ZNF407: variants seen among roughly 807,000 people sequenced by gnomAD.
The protein encoded by ZNF407 is zinc finger protein 407.
A neutral mutation model predicts 131.2 loss-of-function variants in ZNF407; 17 were observed. The observed-to-expected ratio is 0.13, with a 90% CI of 0.09 to 0.19. The LOEUF is 0.19. ZNF407 is among the 10% of genes least tolerant of loss of function. ZNF407 has a pLI of 1.00. For missense variants in ZNF407, 2,681 were observed against 2,830.6 expected (o/e 0.95, Z 1.20); for synonymous variants, 1,156 against 1,062.0 (o/e 1.09, Z -1.72).
intron 8 of ZNF407, among the ~76,000 whole-genome samples, chr18:75,058,448 T>C (rs866342721): frequency 1.2e-4 from 18 of 152,228 alleles, no homozygotes; most frequent in South Asian, 4.1e-4. Flanking sequence ...CTGTGCCTTC[T>C]ACGCAAAGCT....
At chr18:74,952,691 T>TA (rs1972229372) in intron 8 of ZNF407, among the ~76,000 whole-genome samples, 1 of 152,214 alleles carries the variant, frequency 6.6e-6, no homozygotes, top group East Asian at 1.9e-4. Flanking sequence ...GAGGCATAAT[T>TA]AACATAAAAT....
intron 2 of ZNF407, among the ~76,000 whole-genome samples, chr18:74,639,334 CGAGTCCT>C (rs1381186292): frequency 6.6e-6 from 1 of 152,154 alleles, no homozygotes; most frequent in African/African-American, 2.4e-5. Context: ...TTCTTTGTTT[CGAGTCCT>C]GATATTATTG....
At chr18:74,846,972 C>T (rs138078922) in intron 4 of ZNF407, among the ~76,000 whole-genome samples, 20 of 149,386 alleles carry the variant, frequency 1.3e-4, no homozygotes, top group African/African-American at 3.2e-4. Context: ...CCGGCCTGGG[C>T]GACAGAGCAA....
chr18:74,616,873 C>G (rs1768444189), intron 1 of ZNF407, among the ~76,000 whole-genome samples: 1 of 149,204 alleles, frequency 6.7e-6, no homozygotes, highest in African/African-American at 2.5e-5. Flanking sequence ...CACACGCATC[C>G]ATATCCACAC....
chr18:74,831,134 G>A (rs1314498201), intron 4 of ZNF407, among the ~76,000 whole-genome samples: 1 of 152,008 alleles, frequency 6.6e-6, no homozygotes, highest in African/African-American at 2.4e-5. Context: ...GTATTTCATT[G>A]TGTATGTATA....
At chr18:74,766,063 CTG>C (rs1278374117) in intron 3 of ZNF407, among the ~76,000 whole-genome samples, 5 of 136,516 alleles carry the variant, frequency 3.7e-5, no homozygotes, top group African/African-American at 1.4e-4. Context: ...GTGTCTGTGT[CTG>C]TGTGTCTGTG....
At chr18:74,926,371 G>A (rs1971913608) in intron 8 of ZNF407, among the ~76,000 whole-genome samples, 1 of 152,280 alleles carries the variant, frequency 6.6e-6, no homozygotes, top group East Asian at 1.9e-4. Flanking sequence ...TGGTATCCAG[G>A]AAAATTGTAT....
chr18:75,059,675 C>T (rs999045366), intron 8 of ZNF407, among the ~76,000 whole-genome samples: 3 of 152,044 alleles, frequency 2.0e-5, no homozygotes, highest in Middle Eastern at 3.2e-3. Context: ...GCAAACTGAC[C>T]GGGGATCAGC....
At position 74,951,460 on chromosome 18, in the gene ZNF407, C is replaced by T. The variant is rs72981567; in HGVS notation, c.5428+30768C>T. ...AATTGGCAAACTGCAGAACACTGAGCGTGAGTTCTCAGTACGTTCATGTTG... is the reference window on the plus strand; with the variant it reads ...AATTGGCAAACTGCAGAACACTGAGTGTGAGTTCTCAGTACGTTCATGTTG... On this transcript the variant is annotated intron_variant, in intron 8 of 8. Transcript: ENST00000299687. Among the ~76,000 whole-genome samples the T allele has an allele frequency of 3.2e-3, 491 of 152,298 alleles. 2 individuals are homozygous for T. The highest frequency in any genetic ancestry group is 5.4e-3 in the Non-Finnish European group (370 of 68,030).
chr18:74,881,763 A>G (rs1001399805), intron 6 of ZNF407, among the ~76,000 whole-genome samples: 3 of 152,222 alleles, frequency 2.0e-5, no homozygotes, highest in African/African-American at 7.2e-5. Flanking sequence ...TTGGTGATTC[A>G]TTGAAATAAA....
At chr18:74,686,100 C>A (rs1232455269) in intron 3 of ZNF407, among the ~76,000 whole-genome samples, 1 of 152,214 alleles carries the variant, frequency 6.6e-6, no homozygotes, top group Non-Finnish European at 1.5e-5. Context: ...AGTAAGCCAG[C>A]CTTCCAGCCA....
intron 5 of ZNF407, among the ~76,000 whole-genome samples, chr18:74,880,520 A>G (rs1218207837): frequency 6.6e-6 from 1 of 152,222 alleles, no homozygotes; most frequent in African/African-American, 2.4e-5. Flanking sequence ...ATGTTCAAGG[A>G]AACCATTTAA....
intron 3 of ZNF407, among the ~76,000 whole-genome samples, chr18:74,759,197 A>T (rs1355053998): frequency 6.6e-6 from 1 of 151,572 alleles, no homozygotes; most frequent in Non-Finnish European, 1.5e-5. Context: ...TTGTGTGGAG[A>T]TGTTAGTTTT....
chr18:74,622,816 CTGAA>C (rs757679186), intron 1 of ZNF407, among the ~76,000 whole-genome samples: 3 of 130,104 alleles, frequency 2.3e-5, no homozygotes, highest in African/African-American at 5.7e-5. Context: ...GTGAATATGT[CTGAA>C]TGTGAGTACG....
rs763598298 is a variant in ZNF407 at position 74,936,055 on chromosome 18, C to CT, written c.5428+15365dup. Among the ~76,000 whole-genome samples, 62 of 152,274 alleles carry CT rather than the reference C, an allele frequency of 4.1e-4. 1 individual carries two copies. The highest frequency in any genetic ancestry group is 1.0e-3 in the South Asian group (5 of 4,826). On this transcript the variant is annotated intron_variant, in intron 8 of 8. Coordinates refer to ENST00000299687, the MANE Select transcript of ZNF407 (RefSeq NM_017757.3). The stretch of plus-strand genomic sequence containing the variant: ...TTTTAGATATAATTCTGTGATGGCA[C>CT]TTAATATATTTTCTTTTACTTTTCA...
chr18:75,025,066 A>G (rs1021868435), intron 8 of ZNF407, among the ~76,000 whole-genome samples: 1 of 152,246 alleles, frequency 6.6e-6, no homozygotes, highest in Non-Finnish European at 1.5e-5. Context: ...GACAGCTTCA[A>G]CAGCCGTCGC....
At position 74,835,945 on chromosome 18, in the gene ZNF407, T is replaced by G. The variant is rs1487980795; in HGVS notation, c.4878-41252T>G. On this transcript the variant is annotated intron_variant, in intron 4 of 8. Transcript: ENST00000299687. ...CTGCTGCAGTTTAGTTACAGCTGAA[T>G]GTATCGCAGGCTAGTGAAGGAAACG... 3.1e-4 allele frequency among the ~76,000 whole-genome samples: 46 copies of G among 149,604 alleles called. 3 individuals carry two copies. The highest frequency in any genetic ancestry group is 1.5e-5 in the Non-Finnish European group (1 of 67,776).
intron 8 of ZNF407, among the ~76,000 whole-genome samples, chr18:75,045,866 C>A (rs571025447): frequency 6.6e-6 from 1 of 152,232 alleles, no homozygotes; most frequent in South Asian, 2.1e-4. Context: ...GCAGAAGGAT[C>A]AAATATGTTG....
At chr18:74,683,208 T>C (rs1967025587) in intron 3 of ZNF407, among the ~76,000 whole-genome samples, 1 of 152,222 alleles carries the variant, frequency 6.6e-6, no homozygotes, top group African/African-American at 2.4e-5. Flanking sequence ...TAGAAAAATG[T>C]GCAGCATTGC....
Sources: gnomAD v4.1 joint callset for allele counts (sites outside exome capture counted in the v4.1 genomes callset) on GRCh38, gnomAD v4.1.1 for gene constraint, MANE v1.5 for transcripts, NCBI Gene and HGNC (gene_info 2026-07-23, HGNC 2026-07-21) for gene names.